Variants in CACNA1H observed in about 807,000 individuals in gnomAD.
CACNA1H encodes the protein voltage-dependent T-type calcium channel subunit alpha-1H.
A neutral mutation model predicts 192.5 loss-of-function variants in CACNA1H; 149 were observed. The ratio of observed to expected loss-of-function variants is 0.77; its 90% CI spans 0.68 to 0.89. The LOEUF (loss-of-function observed/expected upper bound fraction) is 0.89. CACNA1H is among the 40% of genes least tolerant of loss of function. The pLI is 0.00. For synonymous variants in CACNA1H, 2,202 were observed against 1,475.2 expected (o/e 1.49, Z -11.29); for missense variants, 4,257 against 3,423.5 (o/e 1.24, Z -6.08).
In CACNA1H at chr16:1,198,704, G is replaced by T; in HGVS notation, c.733G>T (p.Gly245Cys). The T allele has an allele frequency of 1.2e-6, 2 of 1,613,372 alleles. No homozygotes were observed. Among genetic ancestry groups the T allele is most frequent in the Non-Finnish European group, 8.5e-7 (1 of 1,179,638 alleles). The change falls in exon 6 of 35, where the codon GGC becomes TGC. Residue 245 changes from glycine to cysteine, a missense_variant. By Grantham distance (159) the Gly-to-Cys change is radical. Coordinates refer to ENST00000348261, the MANE Select transcript of CACNA1H (RefSeq NM_021098.3). ...LLCFFVFFIF[G>C]IVGVQLWAGL... is the part of the protein sequence containing the mutation. ...GTGCTTCTTCGTCTTCTTCATTTTC[G>T]GCATCGTTGGCGTCCAGCTCTGGGC...
In CACNA1H at chr16:1,169,584, G is replaced by A. The variant is rs189738592; in HGVS notation, c.299+15548G>A. Among the ~76,000 whole-genome samples the A allele has an allele frequency of 3.4e-4, 52 of 152,328 alleles. No individual in the cohort carries two copies. In the South Asian group the frequency reaches 8.1e-3, roughly 24 times the overall value. On this transcript the variant is annotated intron_variant, in intron 2 of 34. Transcript: ENST00000348261. The stretch of plus-strand genomic sequence containing the variant: ...ACCGAGAGACACTTCAGAGCTGTGC[G>A]GGCCGTGCTTTCGCCTCCGCCCATC...
chr16:1,157,981 CGCCCTT>C (rs895006250), intron 2 of CACNA1H: 1 of 150,108 alleles, frequency 6.7e-6, no homozygotes, highest in African/African-American at 2.5e-5. Flanking sequence ...TTGCCCGTGG[CGCCCTT>C]GCCCGTGGCA....
rs1283610485 is a variant in CACNA1H at position 1,208,941 on chromosome 16, C to T, written c.3364-91C>T. The T allele has an allele frequency of 1.9e-5, 25 of 1,288,704 alleles. No individual in the cohort carries two copies. In the African/African-American group the frequency reaches 2.3e-4, roughly 12 times the overall value. 79.8% of individuals were successfully genotyped at this position (1,288,704 alleles called of 1,614,324 possible). A position where few individuals can be genotyped will look rare whatever the true frequency, so the allele number is the denominator to read the frequency against. Reference sequence around the variant, plus strand: ...GCGGGGCTATGCATTAAATGATCCACGTGTGGCTTGCACACAGTGGGTGCT... The same window carrying T: ...GCGGGGCTATGCATTAAATGATCCATGTGTGGCTTGCACACAGTGGGTGCT... On this transcript the variant is annotated intron_variant, in intron 16 of 34. Coordinates refer to ENST00000348261, the MANE Select transcript of CACNA1H (RefSeq NM_021098.3).
Position 1,153,477 on chromosome 16 carries a change from C to T in CACNA1H, c.-19+7C>T, listed in dbSNP as rs1298927604. 10 of 212,972 alleles carry T rather than the reference C, an allele frequency of 4.7e-5. No homozygotes were observed. The East Asian group carries it at 7.2e-4, about 15-fold the overall frequency. The allele number at this position is 212,972 out of a possible 1,614,324, so 13.2% of individuals were successfully genotyped here. A position where few individuals can be genotyped will look rare whatever the true frequency, so the allele number is the denominator to read the frequency against. On this transcript the variant is annotated splice_region_variant and intron_variant, in intron 1 of 34. Transcript: ENST00000348261. Reference sequence around the variant, plus strand: ...CGCCGGCCAGCAGAGCGAGGTGAGACGCGGCGAGGACGCGCGCCCGGGACC... The same window carrying T: ...CGCCGGCCAGCAGAGCGAGGTGAGATGCGGCGAGGACGCGCGCCCGGGACC...
rs61642542 is a variant in CACNA1H at position 1,207,853 on chromosome 16, G to C, written c.3147G>C (p.Gln1049His). Reference sequence around the variant, plus strand: ...ACTTCCACAAGCTCAGAGAACTCCAGACCACAGGTGCGTGTGGTCGGTGGG... The same window carrying C: ...ACTTCCACAAGCTCAGAGAACTCCACACCACAGGTGCGTGTGGTCGGTGGG... ...EEDFHKLREL[Q>H]TTELKMCSLA... The change falls in exon 15 of 35, where the codon CAG becomes CAC. Residue 1049 changes from glutamine to histidine, a missense_variant. Coordinates refer to ENST00000348261, the MANE Select transcript of CACNA1H (RefSeq NM_021098.3). 155 of 1,592,258 alleles carry C rather than the reference G, an allele frequency of 9.7e-5. No homozygotes were observed. Among genetic ancestry groups the C allele is most frequent in the Non-Finnish European group, 1.2e-4 (146 of 1,169,986 alleles).
intron 9 of CACNA1H, among the ~76,000 whole-genome samples, chr16:1,203,666 C>G (rs550247113): frequency 9.8e-5 from 15 of 152,298 alleles, no homozygotes; most frequent in Non-Finnish European, 1.6e-4. Flanking sequence ...GGGGAGAACT[C>G]TCCTCGCCTC....
chr16:1,177,742 A>C (rs1039454930), intron 2 of CACNA1H, among the ~76,000 whole-genome samples: 1 of 151,178 alleles, frequency 6.6e-6, no homozygotes, highest in African/African-American at 2.4e-5. Flanking sequence ...CTGGGTGCAG[A>C]CGCCTGCTTC....
Sources: gnomAD v4.1 joint callset for allele counts (sites outside exome capture counted in the v4.1 genomes callset) on GRCh38, gnomAD v4.1.1 for gene constraint, MANE v1.5 for transcripts, NCBI Gene and HGNC (gene_info 2026-07-23, HGNC 2026-07-21) for gene names.